The following PCDH15 variants were observed in gnomAD, a reference collection of about 807,000 sequenced individuals.
PCDH15 encodes protocadherin related 15.
PCDH15 carries 129 observed loss-of-function variants against 178.5 expected under a neutral mutation model. The ratio of observed to expected loss-of-function variants is 0.72; its 90% confidence interval spans 0.63 to 0.84. PCDH15 has a LOEUF of 0.84. Among genes scored for constraint, PCDH15 ranks in the 40% least tolerant of loss-of-function variants. The pLI is 0.00. For missense variants in PCDH15, 2,230 were observed against 2,099.9 expected, an observed-to-expected ratio of 1.06 and a Z score of -1.21; for synonymous variants, 800 against 732.0, an observed-to-expected ratio of 1.09 and a Z score of -1.50.
At chr10:54,429,463 A>G (rs1464011657) in intron 3 of PCDH15, among the ~76,000 whole-genome samples, 2 of 152,222 alleles carry the variant, frequency 1.3e-5, no homozygotes, top group African/African-American at 4.8e-5. Flanking sequence ...AAATGGCAAG[A>G]GTAAGTCCAC....
At chr10:54,624,790 G>A (rs2093493204) in intron 2 of PCDH15, among the ~76,000 whole-genome samples, 1 of 152,196 alleles carries the variant, frequency 6.6e-6, no homozygotes, top group African/African-American at 2.4e-5. Context: ...TGTGAACTGT[G>A]CATATGAGGG....
At chr10:54,884,702 T>C (rs918075116) in intron 3 of PCDH15, among the ~76,000 whole-genome samples, 2 of 126,784 alleles carry the variant, frequency 1.6e-5, no homozygotes, top group African/African-American at 2.9e-5. Flanking sequence ...AGAGACACAC[T>C]GAAGTGAATA....
intron 8 of PCDH15, among the ~76,000 whole-genome samples, chr10:54,313,108 A>G (rs962730175): frequency 2.0e-5 from 3 of 152,122 alleles, no homozygotes; most frequent in African/African-American, 7.2e-5. Flanking sequence ...AAAAGAAAAT[A>G]AAAGAGTAAT....
intron 3 of PCDH15, among the ~76,000 whole-genome samples, chr10:54,411,336 G>C (rs1329118691): frequency 1.3e-5 from 2 of 151,970 alleles, no homozygotes; most frequent in African/African-American, 4.8e-5. Context: ...AAAATTGAAA[G>C]AATTTAAAAA....
At chr10:54,822,824 A>C (rs1953068900) in intron 3 of PCDH15, among the ~76,000 whole-genome samples, 1 of 152,022 alleles carries the variant, frequency 6.6e-6, no homozygotes, top group Admixed American at 6.6e-5. Context: ...AAAGTCATAT[A>C]ACTGGGATGA....
chr10:54,595,018 A>C (rs907698587), intron 2 of PCDH15, among the ~76,000 whole-genome samples: 12 of 152,104 alleles, frequency 7.9e-5, no homozygotes, highest in African/African-American at 2.4e-4. Context: ...CACCAGTACA[A>C]ATGTGCACAC....
At chr10:54,735,647 A>C (rs1161752334) in intron 1 of PCDH15, among the ~76,000 whole-genome samples, 2 of 130,038 alleles carry the variant, frequency 1.5e-5, no homozygotes, top group Non-Finnish European at 3.3e-5. Flanking sequence ...CTGGATTAAG[A>C]AAATGTGGCA....
rs12257818 is a variant in PCDH15, at chr10:55,303,011, A to T, written c.-156+16588T>A. Reference sequence around the variant, plus strand: ...CTACAACACAAAGTTAACATTACTTAAATGCTATGATATGAAGTCAATACA... The same window carrying T: ...CTACAACACAAAGTTAACATTACTTTAATGCTATGATATGAAGTCAATACA... On this transcript the variant is annotated intron_variant, in intron 1 of 5. Coordinates refer to the PCDH15 transcript ENST00000458638. 6.3e-3 allele frequency among the ~76,000 whole-genome samples: 963 copies of T among 152,244 alleles called. 4 individuals are homozygous for T. Among genetic ancestry groups the T allele is most frequent in the African/African-American group, 0.022 (908 of 41,538 alleles).
chr10:54,608,350 T>C (rs1021201444), intron 2 of PCDH15, among the ~76,000 whole-genome samples: 4 of 150,848 alleles, frequency 2.7e-5, no homozygotes, highest in East Asian at 2.0e-4. Flanking sequence ...GGTACACCTA[T>C]AGTCCAGCCA....
At chr10:54,985,070 A>G (rs1839329814) in intron 2 of PCDH15, among the ~76,000 whole-genome samples, 1 of 152,182 alleles carries the variant, frequency 6.6e-6, no homozygotes, top group Admixed American at 6.5e-5. Context: ...TATATGACCT[A>G]TATGTTAGGC....
intron 2 of PCDH15, among the ~76,000 whole-genome samples, chr10:55,489,108 C>A (rs1233897151): frequency 2.0e-5 from 3 of 151,400 alleles, no homozygotes; most frequent in Non-Finnish European, 4.4e-5. Flanking sequence ...GAGACATATA[C>A]AACTTGAAAT....
intron 2 of PCDH15, among the ~76,000 whole-genome samples, chr10:54,585,162 G>A (rs1171139534): frequency 9.4e-6 from 1 of 106,694 alleles, no homozygotes; most frequent in Non-Finnish European, 2.0e-5. Context: ...ACCCACAGAA[G>A]TTGGCTGCCC....
At chr10:54,430,716 G>C (rs1956865006) in intron 3 of PCDH15, among the ~76,000 whole-genome samples, 1 of 150,982 alleles carries the variant, frequency 6.6e-6, no homozygotes, top group East Asian at 2.0e-4. Context: ...GGAAAAGCAA[G>C]AGCAAACCAA....
chr10:55,068,126 C>G (rs1233620143), intron 2 of PCDH15, among the ~76,000 whole-genome samples: 1 of 151,898 alleles, frequency 6.6e-6, no homozygotes, highest in African/African-American at 2.4e-5. Flanking sequence ...TTTGCCTGTA[C>G]TTTTGAGGTC....
At chr10:54,440,081 A>G (rs1401799384) in intron 3 of PCDH15, among the ~76,000 whole-genome samples, 1 of 151,984 alleles carries the variant, frequency 6.6e-6, no homozygotes. Flanking sequence ...CACATGATTT[A>G]AGAGAATGGA....
At chr10:54,174,520 G>C (rs1273921789) in intron 13 of PCDH15, among the ~76,000 whole-genome samples, 1 of 150,760 alleles carries the variant, frequency 6.6e-6, no homozygotes, top group East Asian at 2.0e-4. Context: ...GGGCGACAGA[G>C]CAAAAAAAAG....
intron 28 of PCDH15, 139 bp downstream of exon 28, chr10:53,857,036 C>G (rs1443036787): frequency 1.5e-6 from 1 of 685,500 alleles, no homozygotes; most frequent in East Asian, 2.8e-5. Context: ...ACACTCGAAG[C>G]CTAAACCTCA....
intron 6 of PCDH15, among the ~76,000 whole-genome samples, chr10:54,340,843 A>G (rs1423678216): frequency 1.3e-5 from 2 of 152,016 alleles, no homozygotes; most frequent in Non-Finnish European, 2.9e-5. Flanking sequence ...CATGTGCAGT[A>G]TGTTTACTGA....
At chr10:55,356,233 AAAAG>A (rs1327340335) in intron 2 of PCDH15, among the ~76,000 whole-genome samples, 1 of 151,964 alleles carries the variant, frequency 6.6e-6, no homozygotes, top group African/African-American at 2.4e-5. Flanking sequence ...AAGAAATAAA[AAAAG>A]AAAGATGAAA....
Sources: gnomAD v4.1 joint callset for allele counts (sites outside exome capture counted in the v4.1 genomes callset) on GRCh38, gnomAD v4.1.1 for gene constraint, MANE v1.5 for transcripts, NCBI Gene and HGNC (gene_info 2026-07-23, HGNC 2026-07-21) for gene names.